Variants in SYNDIG1 observed in about 807,000 individuals in gnomAD.
SYNDIG1 encodes synapse differentiation inducing 1, also known as synapse differentiation-inducing gene protein 1.
Under a neutral mutation model 19.4 loss-of-function variants are expected in SYNDIG1, and 9 were observed. The observed-to-expected ratio is 0.46, with a 90% CI of 0.28 to 0.81. SYNDIG1 has a LOEUF of 0.81. SYNDIG1 is among the 30% of genes least tolerant of loss of function. The probability of loss-of-function intolerance (pLI) is 0.12; values close to 1 mark genes in which losing one functional copy is unlikely to be tolerated. For synonymous variants in SYNDIG1, 141 were observed against 145.9 expected, an observed-to-expected ratio of 0.97 and a Z score of 0.24; for missense variants, 311 against 343.3, an observed-to-expected ratio of 0.91 and a Z score of 0.74.
intron 1 of SYNDIG1, among the ~76,000 whole-genome samples, chr20:24,524,214 G>T (rs6049754): frequency 0.11 from 17,407 of 152,196 alleles, 1,473 homozygotes; most frequent in African/African-American, 0.24. Context: ...TTGATGAAAG[G>T]TCCTCTGCCA....
Position 24,580,398 on chromosome 20 carries a change from CTTTG to C in SYNDIG1, c.481-4437_481-4434del, listed in dbSNP as rs201589200. Among the ~76,000 whole-genome samples, 507 of 151,950 alleles carry C rather than the reference CTTTG, an allele frequency of 3.3e-3. 4 individuals carry two copies. Among genetic ancestry groups the C allele is most frequent in the African/African-American group, 0.012 (478 of 41,372 alleles). ...TTGTCTGCCCTGTAATTTGTCTGAGCTTTGTTTGTTTGTTTGTTTGTTTGATTTT... is the reference window on the plus strand; with the variant it reads ...TTGTCTGCCCTGTAATTTGTCTGAGCTTTGTTTGTTTGTTTGTTTGATTTT... On this transcript the variant is annotated intron_variant, in intron 2 of 3. Coordinates refer to ENST00000376862, the MANE Select transcript of SYNDIG1 (RefSeq NM_024893.3).
intron 3 of SYNDIG1, among the ~76,000 whole-genome samples, chr20:24,644,396 T>C (rs1466833798): frequency 6.6e-6 from 1 of 152,258 alleles, no homozygotes; most frequent in Non-Finnish European, 1.5e-5. Flanking sequence ...CATTAAGGCA[T>C]ATAATTTCAT....
At chr20:24,661,557 AAGAG>A (rs1471666422) in intron 3 of SYNDIG1, among the ~76,000 whole-genome samples, 4 of 37,952 alleles carry the variant, frequency 1.1e-4, no homozygotes, top group African/African-American at 4.1e-4. Flanking sequence ...GGGAGGAAAA[AAGAG>A]AGGAAGGAGG....
At chr20:24,660,302 C>T (rs1295553323) in intron 3 of SYNDIG1, among the ~76,000 whole-genome samples, 6 of 152,210 alleles carry the variant, frequency 3.9e-5, no homozygotes, top group Admixed American at 6.5e-5. Context: ...TCTATATGTT[C>T]AGCTATAAGA....
At chr20:24,522,847 G>GA (rs1260388032) in intron 1 of SYNDIG1, among the ~76,000 whole-genome samples, 2 of 152,180 alleles carry the variant, frequency 1.3e-5, no homozygotes, top group Non-Finnish European at 2.9e-5. Context: ...CACCTGGTGA[G>GA]AGGGAGCAAG....
intron 1 of SYNDIG1, among the ~76,000 whole-genome samples, chr20:24,503,236 G>C (rs992019815): frequency 1.3e-5 from 2 of 152,190 alleles, no homozygotes; most frequent in South Asian, 4.1e-4. Flanking sequence ...TATAGCTGGG[G>C]ATGCGTTCCT....
At chr20:24,585,050 G>GGGGTGC in intron 3 of SYNDIG1, 57 bp downstream of exon 3, 1 of 1,127,850 alleles carries the variant, frequency 8.9e-7, no homozygotes, top group Non-Finnish European at 1.3e-6. Flanking sequence ...GGTGGGGGTG[G>GGGGTGC]GGGCGGCAAT....
chr20:24,656,853 C>G (rs1194028551), intron 3 of SYNDIG1, among the ~76,000 whole-genome samples: 1 of 152,242 alleles, frequency 6.6e-6, no homozygotes, highest in Non-Finnish European at 1.5e-5. Context: ...GAGATGTAAC[C>G]CCCAGTGTTG....
At chr20:24,617,920 G>A (rs532268841) in intron 3 of SYNDIG1, among the ~76,000 whole-genome samples, 4 of 148,710 alleles carry the variant, frequency 2.7e-5, no homozygotes, top group East Asian at 4.0e-4. Flanking sequence ...CTGGAGAAGC[G>A]GGAGAGCCCG....
intron 1 of SYNDIG1, among the ~76,000 whole-genome samples, chr20:24,504,673 A>G (rs2146408603): frequency 6.6e-6 from 1 of 152,340 alleles, no homozygotes; most frequent in South Asian, 2.1e-4. Flanking sequence ...CTCATGAAGA[A>G]CAGCTTCTAC....
intron 2 of SYNDIG1, among the ~76,000 whole-genome samples, chr20:24,570,710 A>C (rs1386322453): frequency 1.3e-5 from 2 of 152,224 alleles, no homozygotes; most frequent in Non-Finnish European, 2.9e-5. Flanking sequence ...GTGGGAATGC[A>C]AACTGGAACA....
At chr20:24,495,858 T>C (rs2004036) in intron 1 of SYNDIG1, 28,830 of 152,194 alleles carry the variant, frequency 0.19, 3,081 homozygotes, top group Middle Eastern at 0.37. Flanking sequence ...TATTTATTTA[T>C]TTTTGATATG....
chr20:24,478,256 C>A (rs1293543317), intron 1 of SYNDIG1, among the ~76,000 whole-genome samples: 1 of 152,232 alleles, frequency 6.6e-6, no homozygotes, highest in Non-Finnish European at 1.5e-5. Flanking sequence ...CTTATTGCTT[C>A]GGTGTCTGTC....
intron 3 of SYNDIG1, among the ~76,000 whole-genome samples, chr20:24,602,271 T>C (rs6036846): frequency 0.15 from 22,638 of 152,224 alleles, 2,002 homozygotes; most frequent in African/African-American, 0.25. Context: ...AAAGTATTCA[T>C]AGTAATATTT....
chr20:24,509,121 C>A (rs1164449608), intron 1 of SYNDIG1, among the ~76,000 whole-genome samples: 1 of 152,200 alleles, frequency 6.6e-6, no homozygotes, highest in African/African-American at 2.4e-5. Flanking sequence ...GATGCAGACA[C>A]CTTAGTGTGA....
At chr20:24,499,165 C>T (rs532295169) in intron 1 of SYNDIG1, among the ~76,000 whole-genome samples, 7 of 152,202 alleles carry the variant, frequency 4.6e-5, no homozygotes, top group Non-Finnish European at 1.0e-4. Flanking sequence ...GCTAGGATTA[C>T]AGGTGTGCAG....
intron 1 of SYNDIG1, among the ~76,000 whole-genome samples, chr20:24,512,788 C>G (rs938019919): frequency 6.6e-6 from 1 of 152,196 alleles, no homozygotes; most frequent in African/African-American, 2.4e-5. Context: ...GTGGTTCTCC[C>G]AGCACGGAGT....
intron 2 of SYNDIG1, among the ~76,000 whole-genome samples, chr20:24,566,367 A>C (rs939546546): frequency 6.6e-6 from 1 of 152,250 alleles, no homozygotes; most frequent in African/African-American, 2.4e-5. Context: ...CTATCAGAGA[A>C]GTTTGAAATA....
intron 1 of SYNDIG1, among the ~76,000 whole-genome samples, chr20:24,473,078 G>A (rs918435519): frequency 6.6e-6 from 1 of 152,132 alleles, no homozygotes; most frequent in Non-Finnish European, 1.5e-5. Context: ...TAAATGTACC[G>A]CTGTGGCCCA....
Sources: allele counts gnomAD v4.1 joint callset (sites outside exome capture counted in the v4.1 genomes callset), GRCh38; gene constraint gnomAD v4.1.1; transcripts MANE v1.5; gene names NCBI Gene and HGNC (gene_info 2026-07-23, HGNC 2026-07-21).